DIAPH2: variants seen among roughly 807,000 people sequenced by gnomAD.
The protein encoded by DIAPH2 is protein diaphanous homolog 2.
A neutral mutation model predicts 92.7 loss-of-function variants in DIAPH2; 35 were observed. The observed-to-expected ratio is 0.38, with a 90% CI of 0.29 to 0.50. The LOEUF is 0.50. Ranked by LOEUF, DIAPH2 falls within the 20% of genes least tolerant of loss-of-function variation. The probability of loss-of-function intolerance (pLI) is 0.94; values close to 1 mark genes in which losing one functional copy is unlikely to be tolerated. For synonymous variants in DIAPH2, 301 were observed against 280.4 expected, an observed-to-expected ratio of 1.07 and a Z score of -0.73; for missense variants, 701 against 819.5, an observed-to-expected ratio of 0.86 and a Z score of 1.77.
At position 97,346,433 on chromosome X, in the gene DIAPH2, G is replaced by A. The variant is rs747226935; in HGVS notation, c.2845-1683G>A. On this transcript the variant is annotated intron_variant, in intron 23 of 26. Coordinates refer to ENST00000324765, the MANE Select transcript of DIAPH2 (RefSeq NM_006729.5). Reference sequence around the variant, plus strand: ...TCCCTCCCCCCTTCCCTCCTTCTCCGTCTTCCTCCTTTCTTGCCAGGCCAC... The same window carrying A: ...TCCCTCCCCCCTTCCCTCCTTCTCCATCTTCCTCCTTTCTTGCCAGGCCAC... Among the ~76,000 whole-genome samples, 22 of 90,739 alleles carry A rather than the reference G, an allele frequency of 2.4e-4. No homozygotes were observed. The South Asian group carries it at 5.7e-3, about 23-fold the overall frequency. 78.8% of individuals were successfully genotyped at this position (90,739 alleles called of 115,157 possible).
At chrX:97,033,602 G>C (rs1211559839) in intron 17 of DIAPH2, among the ~76,000 whole-genome samples, 1 of 111,875 alleles carries the variant, frequency 8.9e-6, no homozygotes. Context: ...AACAACATAA[G>C]TAAACACTTT....
chrX:97,572,021 G>A (rs1033234039), intron 26 of DIAPH2, among the ~76,000 whole-genome samples: 27 of 110,348 alleles, frequency 2.4e-4, no homozygotes, highest in Non-Finnish European at 4.0e-4. Flanking sequence ...GAAGTACGAA[G>A]TGAAGGCTGA....
intron 26 of DIAPH2, among the ~76,000 whole-genome samples, chrX:97,544,662 G>C (rs754167554): frequency 9.0e-6 from 1 of 111,707 alleles, no homozygotes; most frequent in African/African-American, 3.3e-5. Context: ...TGTACCACAA[G>C]ATGTTACTTT....
intron 21 of DIAPH2, among the ~76,000 whole-genome samples, chrX:97,139,745 A>T (rs2067197588): frequency 9.0e-6 from 1 of 111,364 alleles, no homozygotes; most frequent in South Asian, 3.7e-4. Context: ...CAGATACTGA[A>T]TAAATATTTA....
chrX:97,093,844 G>C (rs1428976560), intron 19 of DIAPH2, among the ~76,000 whole-genome samples: 2 of 111,348 alleles, frequency 1.8e-5, no homozygotes, highest in Non-Finnish European at 3.8e-5. Flanking sequence ...CTTAGTACAG[G>C]GCTAGAACCC....
intron 23 of DIAPH2, among the ~76,000 whole-genome samples, chrX:97,267,122 A>G (rs957911399): frequency 1.8e-5 from 2 of 111,935 alleles, no homozygotes; most frequent in South Asian, 7.4e-4. Flanking sequence ...CTTACACAGG[A>G]TGCTGCCACT....
chrX:97,186,208 G>A (rs1382648444), intron 22 of DIAPH2, among the ~76,000 whole-genome samples: 4 of 111,202 alleles, frequency 3.6e-5, no homozygotes, highest in South Asian at 7.6e-4. Flanking sequence ...CAGTCCCTTT[G>A]GGTTTTGTGT....
At chrX:97,028,157 A>G (rs1190724519) in intron 17 of DIAPH2, among the ~76,000 whole-genome samples, 1 of 110,977 alleles carries the variant, frequency 9.0e-6, no homozygotes, top group African/African-American at 3.3e-5. Flanking sequence ...CAGTGTGCCT[A>G]TCTTCCTAAC....
intron 19 of DIAPH2, among the ~76,000 whole-genome samples, chrX:97,093,107 G>C (rs1019880714): frequency 9.2e-6 from 1 of 108,320 alleles, no homozygotes; most frequent in African/African-American, 3.4e-5. Flanking sequence ...AGGATTGTTT[G>C]AGCCCAGGAG....
At chrX:97,113,568 T>C (rs1489627364) in intron 20 of DIAPH2, among the ~76,000 whole-genome samples, 1 of 112,256 alleles carries the variant, frequency 8.9e-6, no homozygotes, top group African/African-American at 3.2e-5. Context: ...GGTTCATATT[T>C]GGAGAGGCAG....
At chrX:97,483,223 T>C (rs2070663486) in intron 26 of DIAPH2, among the ~76,000 whole-genome samples, 2 of 110,282 alleles carry the variant, frequency 1.8e-5, no homozygotes, top group South Asian at 7.9e-4. Flanking sequence ...AAAACAATAA[T>C]TGAGACTGAA....
At chrX:96,749,423 T>C (rs1602475665) in intron 3 of DIAPH2, among the ~76,000 whole-genome samples, 1 of 111,037 alleles carries the variant, frequency 9.0e-6, no homozygotes, top group African/African-American at 3.3e-5. Flanking sequence ...TTAGAAAGTT[T>C]AGCTCCAAGT....
intron 17 of DIAPH2, among the ~76,000 whole-genome samples, chrX:97,039,438 G>T (rs1408808668): frequency 9.0e-6 from 1 of 111,209 alleles, no homozygotes; most frequent in Non-Finnish European, 1.9e-5. Context: ...AAATTAGTGG[G>T]ACCGTTGAAA....
chrX:97,397,806 C>T (rs2069718942), intron 25 of DIAPH2, among the ~76,000 whole-genome samples: 1 of 112,224 alleles, frequency 8.9e-6, no homozygotes, highest in Admixed American at 9.4e-5. Flanking sequence ...GAGTCACTAC[C>T]TTGTCTGATT....
At chrX:97,300,314 A>G in intron 23 of DIAPH2, among the ~76,000 whole-genome samples, 1 of 112,026 alleles carries the variant, frequency 8.9e-6, no homozygotes, top group South Asian at 3.7e-4. Flanking sequence ...AAGACATCAT[A>G]TCCTACAAGC....
intron 10 of DIAPH2, among the ~76,000 whole-genome samples, chrX:96,933,777 T>TC (rs1178914051): frequency 2.6e-4 from 27 of 102,271 alleles, no homozygotes; most frequent in Non-Finnish European, 4.9e-4. Flanking sequence ...CTAATTTTTT[T>TC]TTTTTTTTTT....
At chrX:97,404,579 C>T (rs2069790157) in intron 25 of DIAPH2, among the ~76,000 whole-genome samples, 1 of 111,931 alleles carries the variant, frequency 8.9e-6, no homozygotes, top group Non-Finnish European at 1.9e-5. Context: ...ACAGCATACT[C>T]CAAGTCTCCC....
At chrX:97,530,268 G>A (rs751086223) in intron 26 of DIAPH2, among the ~76,000 whole-genome samples, 9 of 111,636 alleles carry the variant, frequency 8.1e-5, no homozygotes, top group Middle Eastern at 9.3e-3. Flanking sequence ...AGCCTAACCC[G>A]TCAAGCAGTA....
chrX:97,093,218 AGAGG>A (rs774367940), intron 19 of DIAPH2, among the ~76,000 whole-genome samples: 2 of 79,615 alleles, frequency 2.5e-5, no homozygotes, highest in African/African-American at 4.9e-5. Flanking sequence ...AGAGAGAGAG[AGAGG>A]GAGGGAGGGA....
Sources: gnomAD v4.1 joint callset for allele counts (sites outside exome capture counted in the v4.1 genomes callset) on GRCh38, gnomAD v4.1.1 for gene constraint, MANE v1.5 for transcripts, NCBI Gene and HGNC (gene_info 2026-07-23, HGNC 2026-07-21) for gene names.